The following PDE7B variants were observed in gnomAD, a reference collection of about 807,000 sequenced individuals.
PDE7B encodes 3',5'-cyclic-AMP phosphodiesterase 7B.
PDE7B carries 29 observed loss-of-function variants against 56.2 expected under a neutral mutation model. The ratio of observed to expected loss-of-function variants is 0.52; its 90% CI spans 0.38 to 0.70. The LOEUF (loss-of-function observed/expected upper bound fraction) is 0.70. PDE7B is among the 30% of genes least tolerant of loss of function. The pLI, the probability that PDE7B is intolerant of heterozygous loss-of-function variation, is 0.00. For missense variants in PDE7B, 490 were observed against 565.0 expected (o/e 0.87, Z 1.35); for synonymous variants, 197 against 196.9 (o/e 1.00, Z 0.00).
chr6:135,858,004 C>G (rs1486657526), intron 1 of PDE7B, among the ~76,000 whole-genome samples: 6 of 152,048 alleles, frequency 3.9e-5, no homozygotes, highest in African/African-American at 7.2e-5. Context: ...CAACTTTCCC[C>G]TCCATAAATG....
At chr6:135,900,215 G>A (rs941828752) in intron 1 of PDE7B, among the ~76,000 whole-genome samples, 8 of 151,846 alleles carry the variant, frequency 5.3e-5, no homozygotes, top group Admixed American at 3.9e-4. Flanking sequence ...GGCACAGTGA[G>A]CATGTTTAAC....
intron 8 of PDE7B, among the ~76,000 whole-genome samples, chr6:136,163,622 G>A (rs1778746005): frequency 6.6e-6 from 1 of 152,126 alleles, no homozygotes; most frequent in Admixed American, 6.5e-5. Context: ...CCAGAAAATG[G>A]GTTTTTCTTT....
rs747446505 is a variant in PDE7B at position 136,181,233 on chromosome 6, T to A, written c.955T>A (p.Leu319Met). 4 of 1,612,644 alleles carry A rather than the reference T, an allele frequency of 2.5e-6. No individual in the cohort carries two copies. The highest frequency in any genetic ancestry group is 3.4e-6 in the Non-Finnish European group (4 of 1,178,606). ...CCGCCCTGTCATTTCTCAGATCGCC[T>A]TGAAGTGTGCTGACATTTGCAATCC... is the stretch of plus-strand genomic sequence containing the variant. The part of the protein sequence containing the change: ...QDRHFMLQIA[L>M]KCADICNPCR... The change falls in exon 11 of 13, where the codon TTG becomes ATG. Residue 319 changes from leucine (L) to methionine (M), a missense_variant. By Grantham distance (15) the Leu-to-Met change is conservative. Transcript: ENST00000308191.
intron 2 of PDE7B, among the ~76,000 whole-genome samples, chr6:135,990,098 GT>G (rs34915536): frequency 1.6e-3 from 218 of 137,780 alleles, no homozygotes; most frequent in African/African-American, 3.0e-3. Flanking sequence ...GGGTTTTTTT[GT>G]TTTTTTTTTT....
At chr6:136,139,848 T>A (rs1365385754) in intron 3 of PDE7B, among the ~76,000 whole-genome samples, 1 of 152,206 alleles carries the variant, frequency 6.6e-6, no homozygotes, top group Non-Finnish European at 1.5e-5. Context: ...TTGTTGGAGT[T>A]CATTGTAGAT....
chr6:135,902,278 A>T (rs1397936873), intron 1 of PDE7B, among the ~76,000 whole-genome samples: 2 of 152,194 alleles, frequency 1.3e-5, no homozygotes, highest in Admixed American at 1.3e-4. Flanking sequence ...AAGTGACGTC[A>T]ATGGAAGCAG....
intron 1 of PDE7B, among the ~76,000 whole-genome samples, chr6:135,863,301 A>G (rs1775186368): frequency 6.6e-6 from 1 of 151,972 alleles, no homozygotes; most frequent in African/African-American, 2.4e-5. Flanking sequence ...TTGCTTATAT[A>G]TTATATTGAA....
In PDE7B at chr6:136,192,997, G is replaced by A. The variant is rs984386173; in HGVS notation, c.*1157G>A. The A allele has an allele frequency of 2.6e-5, 4 of 152,306 alleles. No homozygotes were observed. The highest frequency in any genetic ancestry group is 6.5e-5 in the Admixed American group (1 of 15,274). 9.4% of individuals were successfully genotyped at this position (152,306 alleles called of 1,614,324 possible). A position where few individuals can be genotyped will look rare whatever the true frequency, so the allele number is the denominator to read the frequency against. ...TTGAGACCATAGTGTTTAATCTATG[G>A]CACCAAGCATCGTTTCCTCAGATTA... On this transcript the variant is annotated 3_prime_UTR_variant, in exon 13 of 13. Coordinates refer to ENST00000308191, the MANE Select transcript of PDE7B (RefSeq NM_018945.4).
rs372185895 is a variant in PDE7B, at chr6:136,155,769, C to G, written c.711+11C>G. 4.3e-6 allele frequency: 7 copies of G among 1,613,704 alleles called. No individual in the cohort carries two copies. The highest frequency in any genetic ancestry group is 5.9e-6 in the Non-Finnish European group (7 of 1,179,836). On this transcript the variant is annotated intron_variant, in intron 8 of 12. Transcript: ENST00000308191. The stretch of plus-strand genomic sequence containing the variant: ...GCAAACCTATATCAGGTAAGGGAGC[C>G]CAACCTGGAGCCAGCCACAGTATGG...
chr6:135,906,825 T>TTTGTTTTTTTTTTTTTTTG (rs1554265688), intron 1 of PDE7B, among the ~76,000 whole-genome samples: 3 of 145,782 alleles, frequency 2.1e-5, no homozygotes, highest in African/African-American at 7.8e-5. Context: ...TTTTTTTTTT[T>TTTGTTTTTTTTTTTTTTTG]TTTTTTTTTT....
chr6:136,061,982 C>T (rs933513986), intron 2 of PDE7B, among the ~76,000 whole-genome samples: 4 of 152,092 alleles, frequency 2.6e-5, no homozygotes, highest in East Asian at 1.9e-4. Context: ...ATGGAGCGTG[C>T]GATCTAGGGA....
chr6:136,055,718 GGTGCTAA>G (rs981453577), intron 2 of PDE7B, among the ~76,000 whole-genome samples: 1 of 152,134 alleles, frequency 6.6e-6, no homozygotes, highest in African/African-American at 2.4e-5. Flanking sequence ...GGAGCAGCTG[GGTGCTAA>G]GTGTACCTAG....
intron 1 of PDE7B, among the ~76,000 whole-genome samples, chr6:135,929,070 T>C (rs1307561642): frequency 6.6e-6 from 1 of 152,194 alleles, no homozygotes; most frequent in Non-Finnish European, 1.5e-5. Context: ...TACCAAGTGC[T>C]ATGTGGAAGG....
intron 2 of PDE7B, among the ~76,000 whole-genome samples, chr6:135,958,058 C>A (rs1774829203): frequency 6.6e-6 from 1 of 152,064 alleles, no homozygotes; most frequent in Non-Finnish European, 1.5e-5. Context: ...ATGGCAAAAC[C>A]CCATCTCTAC....
At chr6:135,913,347 T>A (rs1316888014) in intron 1 of PDE7B, among the ~76,000 whole-genome samples, 1 of 152,164 alleles carries the variant, frequency 6.6e-6, no homozygotes, top group African/African-American at 2.4e-5. Context: ...CCCAGCCTGG[T>A]GCTGCCACCT....
At chr6:135,918,711 C>T (rs1353299134) in intron 1 of PDE7B, among the ~76,000 whole-genome samples, 6 of 152,054 alleles carry the variant, frequency 3.9e-5, no homozygotes, top group Non-Finnish European at 5.9e-5. Flanking sequence ...AAAGATAGCT[C>T]CTGTGGGTGA....
intron 1 of PDE7B, among the ~76,000 whole-genome samples, chr6:135,881,352 A>T (rs1446806153): frequency 6.6e-6 from 1 of 151,726 alleles, no homozygotes; most frequent in Admixed American, 6.6e-5. Flanking sequence ...AAAAAAAAAA[A>T]AAAAAAATAG....
intron 2 of PDE7B, among the ~76,000 whole-genome samples, chr6:136,040,208 C>T (rs1020921202): frequency 6.6e-6 from 1 of 152,166 alleles, no homozygotes; most frequent in South Asian, 2.1e-4. Context: ...GGAAGCTGCA[C>T]CCTGGTCTGC....
intron 1 of PDE7B, among the ~76,000 whole-genome samples, chr6:135,898,213 T>C (rs1191239879): frequency 1.3e-5 from 2 of 152,212 alleles, no homozygotes; most frequent in African/African-American, 4.8e-5. Context: ...GATTAAAAAC[T>C]ACACTAATTG....
Sources: gnomAD v4.1 joint callset for allele counts (sites outside exome capture counted in the v4.1 genomes callset) on GRCh38, gnomAD v4.1.1 for gene constraint, MANE v1.5 for transcripts, NCBI Gene and HGNC (gene_info 2026-07-23, HGNC 2026-07-21) for gene names.